The following PGS1 variants were observed in gnomAD, a reference collection of about 807,000 sequenced individuals.
PGS1 encodes the protein CDP-diacylglycerol--glycerol-3-phosphate 3-phosphatidyltransferase, mitochondrial.
A neutral mutation model predicts 58.3 loss-of-function variants in PGS1; 44 were observed. That is an observed-to-expected ratio of 0.75 (90% CI 0.59 to 0.97). PGS1 has a LOEUF of 0.97. Among genes scored for constraint, PGS1 ranks in the 50% least tolerant of loss-of-function variants. The pLI is 0.00. For synonymous variants in PGS1, 330 were observed against 311.0 expected, an observed-to-expected ratio of 1.06 and a Z score of -0.64; for missense variants, 684 against 731.1, an observed-to-expected ratio of 0.94 and a Z score of 0.74.
rs1420049882 is a variant in PGS1, at chr17:78,400,346, C to G, written c.702-331C>G. Among the ~76,000 whole-genome samples, 4 of 151,790 alleles carry G rather than the reference C, an allele frequency of 2.6e-5. No individual in the cohort carries two copies. Among genetic ancestry groups the G allele is most frequent in the Admixed American group, 6.6e-5 (1 of 15,234 alleles). On this transcript the variant is annotated intron_variant, in intron 5 of 9. Transcript: ENST00000262764. This position sits in a 1 kb window ranked among gnomAD's most constrained non-coding sequence, Gnocchi z 4.4. ...GCTGCAGGGAGCCAAGATCATGCCA[C>G]TGCACTCCAGCCTGGGCGACAGAAT... is the stretch of plus-strand genomic sequence containing the variant.
intron 2 of PGS1, among the ~76,000 whole-genome samples, chr17:78,394,585 C>G (rs573419117): frequency 2.9e-4 from 44 of 151,638 alleles, no homozygotes; most frequent in African/African-American, 1.0e-3. Flanking sequence ...GACGGAGTTT[C>G]GCTCTCGTTG....
At chr17:78,390,328 GGGA>G (rs368944528) in intron 1 of PGS1, among the ~76,000 whole-genome samples, 65,720 of 147,804 alleles carry the variant, frequency 0.44, 15,574 homozygotes, top group Admixed American at 0.53. Flanking sequence ...ACGGGGGTGG[GGGA>G]GGAACAGCTG....
chr17:78,420,141 T>TG (rs1211232191), intron 9 of PGS1: 13 of 1,016,968 alleles, frequency 1.3e-5, no homozygotes, highest in Non-Finnish European at 1.5e-5. Context: ...GTGCACAGGG[T>TG]GGGGCGTCGG....
intron 9 of PGS1, chr17:78,419,963 CA>C (rs907759408): frequency 3.0e-4 from 358 of 1,190,268 alleles, no homozygotes; most frequent in Non-Finnish European, 3.5e-4. Flanking sequence ...TCTCCCTTCC[CA>C]GGGGGTCCTG....
intron 1 of PGS1, among the ~76,000 whole-genome samples, chr17:78,391,180 TC>T (rs2082797982): frequency 6.6e-6 from 1 of 152,096 alleles, no homozygotes; most frequent in Non-Finnish European, 1.5e-5. Flanking sequence ...ACTACTGACC[TC>T]AGGTAATCTG....
chr17:78,424,176 G>A lies in PGS1; in HGVS notation c.*126G>A. On this transcript the variant is annotated 3_prime_UTR_variant, in exon 10 of 10. Coordinates refer to ENST00000262764, the MANE Select transcript of PGS1 (RefSeq NM_024419.5). ...CCCCTGCAGGGACAGTATGGCTGAG[G>A]GTCAGGTGTGCTGCCAGTAAGTGAG... 1 of 1,591,704 alleles carries A rather than the reference G, an allele frequency of 6.3e-7. No individual in the cohort carries two copies. The highest frequency in any genetic ancestry group is 8.6e-7 in the Non-Finnish European group (1 of 1,169,120).
intron 4 of PGS1, among the ~76,000 whole-genome samples, chr17:78,399,116 G>A (rs78096218): frequency 0.013 from 1,928 of 152,356 alleles, 43 homozygotes; most frequent in African/African-American, 0.043. Context: ...TGGGTGCTGT[G>A]TGGCAAGAAG....
intron 9 of PGS1, chr17:78,421,527 GGCCACAGTGCCCTGGACAGCA>G (rs1287207614): frequency 6.6e-6 from 1 of 152,388 alleles, no homozygotes; most frequent in Non-Finnish European, 1.5e-5. Context: ...GCGGCGGCCT[GGCCACAGTGCCCTGGACAGCA>G]GCACATCACA....
chr17:78,404,834 A>G (rs1390662314), intron 7 of PGS1, among the ~76,000 whole-genome samples: 1 of 151,574 alleles, frequency 6.6e-6, no homozygotes, highest in Non-Finnish European at 1.5e-5. Flanking sequence ...CTAATTTTTT[A>G]TTTTTAGTAG....
At chr17:78,395,678 A>G (rs944004811) in intron 2 of PGS1, among the ~76,000 whole-genome samples, 1 of 152,176 alleles carries the variant, frequency 6.6e-6, no homozygotes, top group Non-Finnish European at 1.5e-5. Context: ...ATACCTGTCC[A>G]TCTATGTTTC....
chr17:78,381,789 G>T (rs2082055922), intron 1 of PGS1, among the ~76,000 whole-genome samples: 1 of 152,186 alleles, frequency 6.6e-6, no homozygotes, highest in Admixed American at 6.5e-5. Context: ...GAGAGACAGA[G>T]AACTCTACTT....
intron 1 of PGS1, among the ~76,000 whole-genome samples, chr17:78,380,407 G>A (rs571637497): frequency 6.6e-6 from 1 of 152,118 alleles, no homozygotes; most frequent in Non-Finnish European, 1.5e-5. Context: ...GATTTTCATC[G>A]AAAACTCAAG....
chr17:78,378,805 G>T lies in PGS1; in HGVS notation c.140G>T (p.Arg47Met), dbSNP rs368468919. The T allele has an allele frequency of 5.5e-6, 8 of 1,452,090 alleles. No individual in the cohort carries two copies. The highest frequency in any genetic ancestry group is 3.0e-5 in the East Asian group (1 of 33,770). The allele number at this position is 1,452,090 out of a possible 1,614,324, so 90.0% of individuals were successfully genotyped here. A position where few individuals can be genotyped will look rare whatever the true frequency, so the allele number is the denominator to read the frequency against. Residue 47 changes from arginine (R) to methionine (M), a missense_variant, in exon 1 of 10, where the codon AGG becomes ATG. Transcript: ENST00000262764. ...RLGRNRDRQR[R>M]RSPWLLLAPL... ...GGCAGGAACCGGGACCGCCAGCGCAGGAGGTGAGAGGGGCGGCCGGGATGA... is the reference window on the plus strand; with the variant it reads ...GGCAGGAACCGGGACCGCCAGCGCATGAGGTGAGAGGGGCGGCCGGGATGA...
chr17:78,386,738 A>G (rs1042151588), intron 1 of PGS1, among the ~76,000 whole-genome samples: 10 of 152,020 alleles, frequency 6.6e-5, no homozygotes, highest in African/African-American at 2.4e-4. Context: ...GGAGGCTGGG[A>G]TTATTATGCA....
At chr17:78,417,654 G>T (rs1319960829) in intron 8 of PGS1, among the ~76,000 whole-genome samples, 4 of 151,974 alleles carry the variant, frequency 2.6e-5, no homozygotes, top group Non-Finnish European at 5.9e-5. Flanking sequence ...GAGTGGCACA[G>T]GCCACCGCTG....
At chr17:78,396,086 A>C in intron 2 of PGS1, among the ~76,000 whole-genome samples, 1 of 152,242 alleles carries the variant, frequency 6.6e-6, no homozygotes, top group East Asian at 1.9e-4. Context: ...TAGTTGGCCT[A>C]GACTGAGCTT....
At chr17:78,423,354 G>T (rs992862836) in intron 9 of PGS1, among the ~76,000 whole-genome samples, 1 of 152,130 alleles carries the variant, frequency 6.6e-6, no homozygotes, top group African/African-American at 2.4e-5. Context: ...CGGGGGCTTG[G>T]GTGTGTTTCC....
intron 1 of PGS1, among the ~76,000 whole-genome samples, chr17:78,389,892 A>T (rs1289659815): frequency 6.6e-6 from 1 of 152,218 alleles, no homozygotes; most frequent in Non-Finnish European, 1.5e-5. Context: ...CTAAGATTAT[A>T]GGCATGAGCC....
intron 1 of PGS1, chr17:78,382,527 T>A (rs1453421360): frequency 6.6e-6 from 1 of 152,076 alleles, no homozygotes; most frequent in Admixed American, 6.6e-5. Context: ...TCCAGGTTCC[T>A]CTAGGTGATG....
Sources: allele counts gnomAD v4.1 joint callset (sites outside exome capture counted in the v4.1 genomes callset), GRCh38; gene constraint gnomAD v4.1.1; non-coding constraint Gnocchi (gnomAD v3.1); transcripts MANE v1.5; gene names NCBI Gene and HGNC (gene_info 2026-07-23, HGNC 2026-07-21).